PTK2: variants seen among roughly 807,000 people sequenced by gnomAD.
PTK2 encodes focal adhesion kinase 1.
A neutral mutation model predicts 150.1 loss-of-function variants in PTK2; 45 were observed. That is an observed-to-expected ratio of 0.30 (90% confidence interval 0.24 to 0.38). PTK2 has a LOEUF of 0.38. PTK2 is among the 10% of genes least tolerant of loss of function. The probability of loss-of-function intolerance (pLI) is 1.00; values close to 1 mark genes in which losing one functional copy is unlikely to be tolerated. For synonymous variants in PTK2, 432 were observed against 449.2 expected (o/e 0.96, Z 0.48); for missense variants, 919 against 1,307.3 (o/e 0.70, Z 4.58).
intron 16 of PTK2, among the ~76,000 whole-genome samples, chr8:140,755,491 G>A (rs1023081970): frequency 1.3e-5 from 2 of 152,160 alleles, no homozygotes; most frequent in Non-Finnish European, 2.9e-5. Context: ...TGCACTGGCT[G>A]TTCCTTCTGC....
chr8:140,910,480 T>C (rs1009895973), intron 2 of PTK2, among the ~76,000 whole-genome samples: 2 of 152,194 alleles, frequency 1.3e-5, no homozygotes, highest in African/African-American at 4.8e-5. Context: ...GGACTTAATC[T>C]GTAGGGTCTC....
chr8:140,841,041 C>T (rs545765098), intron 7 of PTK2, among the ~76,000 whole-genome samples: 1 of 152,084 alleles, frequency 6.6e-6, no homozygotes, highest in East Asian at 1.9e-4. Flanking sequence ...GTATATTGTT[C>T]GTATGTTTAA....
At chr8:140,985,574 A>C (rs1007227621) in intron 1 of PTK2, among the ~76,000 whole-genome samples, 6 of 151,706 alleles carry the variant, frequency 4.0e-5, no homozygotes, top group Admixed American at 1.3e-4. Flanking sequence ...CTTTTCCCCC[A>C]TCCTTCCCCT....
chr8:140,658,665 T>G, exon 32 of PTK2: 1 of 211,344 alleles, frequency 4.7e-6, no homozygotes, highest in Non-Finnish European at 9.6e-6. Context: ...CTTTATAAAT[T>G]ATATAAAAAT....
At chr8:140,835,246 TTATTA>T (rs2100118012) in intron 7 of PTK2, among the ~76,000 whole-genome samples, 1 of 152,256 alleles carries the variant, frequency 6.6e-6, no homozygotes, top group South Asian at 2.1e-4. Flanking sequence ...GAAACTAAGC[TTATTA>T]TAAGCACATT....
intron 2 of PTK2, among the ~76,000 whole-genome samples, chr8:140,899,285 A>T (rs1443747505): frequency 6.6e-6 from 1 of 152,192 alleles, no homozygotes; most frequent in Non-Finnish European, 1.5e-5. Context: ...AAGAAAAATA[A>T]ACCAAAAAGA....
At chr8:140,823,356 T>G (rs907659787) in intron 8 of PTK2, among the ~76,000 whole-genome samples, 2 of 152,196 alleles carry the variant, frequency 1.3e-5, no homozygotes, top group African/African-American at 4.8e-5. Flanking sequence ...TATAAATTAT[T>G]GGCAATATTA....
intron 5 of PTK2, among the ~76,000 whole-genome samples, chr8:140,860,709 G>A (rs1428733423): frequency 2.0e-5 from 3 of 152,130 alleles, no homozygotes; most frequent in Non-Finnish European, 4.4e-5. Context: ...CCTGACCTCA[G>A]GTGATCCACC....
intron 26 of PTK2, among the ~76,000 whole-genome samples, chr8:140,699,192 G>C (rs889077457): frequency 1.3e-5 from 2 of 152,100 alleles, no homozygotes; most frequent in Non-Finnish European, 2.9e-5. Flanking sequence ...CACAAAGTTA[G>C]TGTCAGTGAA....
At chr8:140,926,359 G>A (rs1387871579) in intron 1 of PTK2, among the ~76,000 whole-genome samples, 1 of 152,152 alleles carries the variant, frequency 6.6e-6, no homozygotes, top group Non-Finnish European at 1.5e-5. Flanking sequence ...AGATGACACA[G>A]TTAAACCACC....
intron 3 of PTK2, among the ~76,000 whole-genome samples, chr8:140,886,284 A>C (rs1355323861): frequency 6.6e-6 from 1 of 152,156 alleles, no homozygotes; most frequent in East Asian, 1.9e-4. Flanking sequence ...AATGTTGGGG[A>C]AAGGGAAGAT....
intron 4 of PTK2, among the ~76,000 whole-genome samples, chr8:140,869,388 T>C (rs1447547230): frequency 6.6e-6 from 1 of 152,132 alleles, no homozygotes; most frequent in African/African-American, 2.4e-5. Context: ...CATTTCCACC[T>C]CTGAAAGTTG....
In PTK2 at chr8:140,903,340, C is replaced by G. The variant is rs116930720; in HGVS notation, c.-32-12571G>C. 7.2e-4 allele frequency among the ~76,000 whole-genome samples: 110 copies of G among 151,890 alleles called. 1 individual carries two copies. Among genetic ancestry groups the G allele is most frequent in the Middle Eastern group, 3.4e-3 (1 of 294 alleles). ...CCTCTGTTCTGTTCCACTGGTCTATCTGTTTTGGTACCAGTACCATAATAT... is the reference window on the plus strand; with the variant it reads ...CCTCTGTTCTGTTCCACTGGTCTATGTGTTTTGGTACCAGTACCATAATAT... On this transcript the variant is annotated intron_variant, in intron 2 of 31. Coordinates refer to ENST00000522684, the Ensembl canonical transcript of PTK2.
chr8:140,951,439 T>C (rs893854669), intron 1 of PTK2, among the ~76,000 whole-genome samples: 1 of 152,172 alleles, frequency 6.6e-6, no homozygotes, highest in African/African-American at 2.4e-5. Flanking sequence ...GAAGCCAGAC[T>C]TACACATATG....
chr8:140,777,308 A>T (rs2100079017), intron 14 of PTK2, among the ~76,000 whole-genome samples: 1 of 152,174 alleles, frequency 6.6e-6, no homozygotes, highest in South Asian at 2.1e-4. Context: ...GCAGAAGGTG[A>T]AGAGGGAGCA....
At chr8:140,702,631 T>G in exon 25 of PTK2, 4 of 1,614,022 alleles carry the variant, frequency 2.5e-6, no homozygotes, top group Non-Finnish European at 3.4e-6. Flanking sequence ...ATCTGTTTGG[T>G]CCAAAAGAGA....
At chr8:140,695,533 C>G (rs2100026016) in intron 26 of PTK2, among the ~76,000 whole-genome samples, 1 of 152,016 alleles carries the variant, frequency 6.6e-6, no homozygotes, top group South Asian at 2.1e-4. Flanking sequence ...GCTGCAGCCT[C>G]CTGAGTAGCT....
At chr8:140,920,674 C>T in intron 2 of PTK2, 1 of 811,884 alleles carries the variant, frequency 1.2e-6, no homozygotes, top group Non-Finnish European at 1.8e-6. Flanking sequence ...TAGCTGTAAA[C>T]CCATACCAAA....
intron 27 of PTK2, among the ~76,000 whole-genome samples, chr8:140,681,690 T>C (rs1300884565): frequency 6.6e-6 from 1 of 151,808 alleles, no homozygotes; most frequent in Non-Finnish European, 1.5e-5. Flanking sequence ...GGCAGGAGAA[T>C]GGTGTGAACC....
Sources: allele counts gnomAD v4.1 joint callset (sites outside exome capture counted in the v4.1 genomes callset), GRCh38; gene constraint gnomAD v4.1.1; transcripts MANE v1.5; gene names NCBI Gene and HGNC (gene_info 2026-07-23, HGNC 2026-07-21).